SEM1: variants seen among roughly 807,000 people sequenced by gnomAD.
SEM1 encodes 26S proteasome complex subunit SEM1.
SEM1 carries 3 observed loss-of-function variants against 12.7 expected under a neutral mutation model. That is an observed-to-expected ratio of 0.24 (90% CI 0.11 to 0.61). SEM1 has a LOEUF of 0.61. Ranked by LOEUF, SEM1 falls within the 20% of genes least tolerant of loss-of-function variation. SEM1 has a pLI of 0.88. For missense variants in SEM1, 59 were observed against 81.3 expected (o/e 0.73, Z 1.06); for synonymous variants, 30 against 27.8 (o/e 1.08, Z -0.25).
At chr7:96,675,135 G>A (rs1329609906) in intron 2 of SEM1, among the ~76,000 whole-genome samples, 2 of 148,096 alleles carry the variant, frequency 1.4e-5, no homozygotes, top group Non-Finnish European at 3.0e-5. Context: ...GGAAAAGGTG[G>A]AAAATATAGT....
At chr7:96,644,013 C>A (rs1373610018) in intron 2 of SEM1, among the ~76,000 whole-genome samples, 3 of 152,068 alleles carry the variant, frequency 2.0e-5, no homozygotes, top group African/African-American at 7.2e-5. Flanking sequence ...TATGTCCCCA[C>A]CATCACTTTG....
chr7:96,548,686 C>G (rs115429139), intron 2 of SEM1, among the ~76,000 whole-genome samples: 1,909 of 152,186 alleles, frequency 0.013, 40 homozygotes, highest in African/African-American at 0.044. Flanking sequence ...TAATTGTCCT[C>G]TTCTCCCTTT....
chr7:96,537,709 G>A (rs992342912), intron 2 of SEM1, among the ~76,000 whole-genome samples: 9 of 151,648 alleles, frequency 5.9e-5, no homozygotes, highest in Admixed American at 1.3e-4. Flanking sequence ...GCTGCAGGTT[G>A]ATTATGATAT....
intron 1 of SEM1, among the ~76,000 whole-genome samples, chr7:96,495,650 G>C (rs1474642286): frequency 2.0e-5 from 3 of 152,100 alleles, no homozygotes; most frequent in Admixed American, 6.6e-5. Context: ...ATGATTTAGG[G>C]CTAATTTCAT....
chr7:96,545,629 A>G (rs981772163), intron 2 of SEM1, among the ~76,000 whole-genome samples: 43 of 152,194 alleles, frequency 2.8e-4, no homozygotes, highest in African/African-American at 8.4e-4. Context: ...TTTATACTCA[A>G]CATTTTCAGA....
rs528630206 is a variant in SEM1, at chr7:96,574,385, G to T, written c.171-67687C>A. 9.6e-4 allele frequency among the ~76,000 whole-genome samples: 83 copies of T among 86,624 alleles called. 1 individual carries two copies. The highest frequency in any genetic ancestry group is 1.8e-3 in the East Asian group (5 of 2,772). 56.8% of individuals were successfully genotyped at this position (86,624 alleles called of 152,430 possible). A position where few individuals can be genotyped will look rare whatever the true frequency, so the allele number is the denominator to read the frequency against. On this transcript the variant is annotated intron_variant and NMD_transcript_variant, in intron 2 of 3. Transcript: ENST00000466986. ...AGACTTTGCTATTGTGAATAGTGCCGCAATAAACATACGTGTGCATGTATC... is the reference window on the plus strand; with the variant it reads ...AGACTTTGCTATTGTGAATAGTGCCTCAATAAACATACGTGTGCATGTATC...
intron 2 of SEM1, among the ~76,000 whole-genome samples, chr7:96,541,944 C>CTTTTTTTTT (rs34050482): frequency 4.3e-5 from 4 of 92,418 alleles, no homozygotes; most frequent in East Asian, 3.4e-4. Context: ...GCCTATGTGT[C>CTTTTTTTTT]TTTTTTTTTT....
chr7:96,625,453 C>T (rs1227455602), intron 2 of SEM1, among the ~76,000 whole-genome samples: 1 of 152,162 alleles, frequency 6.6e-6, no homozygotes, highest in Non-Finnish European at 1.5e-5. Flanking sequence ...CCTGCAGGGA[C>T]ATGTGGCTTC....
chr7:96,593,759 G>A (rs987927027), intron 2 of SEM1, among the ~76,000 whole-genome samples: 8 of 151,388 alleles, frequency 5.3e-5, no homozygotes, highest in Admixed American at 2.0e-4. Flanking sequence ...ATGAAAGAAG[G>A]TCGTTAGGAA....
intron 2 of SEM1, among the ~76,000 whole-genome samples, chr7:96,663,737 A>C (rs1412099841): frequency 2.6e-5 from 4 of 152,238 alleles, no homozygotes; most frequent in Non-Finnish European, 5.9e-5. Flanking sequence ...GTGAAAAAAC[A>C]ACCACAGACT....
chr7:96,694,469 C>T (rs1790028519), intron 2 of SEM1, among the ~76,000 whole-genome samples: 1 of 151,942 alleles, frequency 6.6e-6, no homozygotes, highest in Non-Finnish European at 1.5e-5. Flanking sequence ...GGTCCCAGCA[C>T]TCTATGATTC....
chr7:96,652,416 G>A (rs1404914097), intron 2 of SEM1, among the ~76,000 whole-genome samples: 1 of 151,716 alleles, frequency 6.6e-6, no homozygotes, highest in Non-Finnish European at 1.5e-5. Context: ...TTTAGGATAT[G>A]ATAAAGTATC....
At chr7:96,510,714 A>G (rs1008844871) in intron 2 of SEM1, among the ~76,000 whole-genome samples, 7 of 152,152 alleles carry the variant, frequency 4.6e-5, no homozygotes, top group African/African-American at 1.7e-4. Context: ...AACATGATAT[A>G]ATGTTATAAA....
intron 2 of SEM1, among the ~76,000 whole-genome samples, chr7:96,627,610 A>T (rs1453412125): frequency 1.3e-5 from 2 of 151,984 alleles, no homozygotes; most frequent in African/African-American, 4.8e-5. Context: ...TTTCAGTTTT[A>T]TTCCATTGTG....
chr7:96,677,745 G>A (rs866927540), intron 2 of SEM1, among the ~76,000 whole-genome samples: 13 of 151,812 alleles, frequency 8.6e-5, no homozygotes, highest in South Asian at 8.4e-4. Context: ...TCACCAAGAC[G>A]GCAGAAAAAT....
At chr7:96,534,191 T>C (rs1485186370) in intron 2 of SEM1, among the ~76,000 whole-genome samples, 1 of 152,066 alleles carries the variant, frequency 6.6e-6, no homozygotes, top group Non-Finnish European at 1.5e-5. Context: ...AGTGAACTTG[T>C]CACTTCAGGG....
intron 2 of SEM1, among the ~76,000 whole-genome samples, chr7:96,656,782 A>AT (rs1403822252): frequency 9.9e-5 from 15 of 152,016 alleles, no homozygotes; most frequent in African/African-American, 3.6e-4. Flanking sequence ...TAGTTTTAGC[A>AT]TATACACTCT....
At chr7:96,596,022 A>G (rs891307158) in intron 2 of SEM1, among the ~76,000 whole-genome samples, 2 of 152,246 alleles carry the variant, frequency 1.3e-5, no homozygotes, top group African/African-American at 4.8e-5. Flanking sequence ...ATTCATGCAG[A>G]AACTGTTCAT....
At chr7:96,650,273 C>T (rs970613180) in intron 2 of SEM1, 7 of 452,084 alleles carry the variant, frequency 1.5e-5, no homozygotes, top group Non-Finnish European at 2.3e-5. Context: ...ATGGGAAATT[C>T]CGCTGCACAA....
Sources: allele counts gnomAD v4.1 joint callset (sites outside exome capture counted in the v4.1 genomes callset), GRCh38; gene constraint gnomAD v4.1.1; transcripts MANE v1.5; gene names NCBI Gene and HGNC (gene_info 2026-07-23, HGNC 2026-07-21).